SDCCAG8: variants seen among roughly 807,000 people sequenced by gnomAD.
SDCCAG8 encodes SHH signaling and ciliogenesis regulator SDCCAG8, also known as serologically defined colon cancer antigen 8.
A neutral mutation model predicts 101.8 loss-of-function variants in SDCCAG8; 74 were observed. The ratio of observed to expected loss-of-function variants is 0.73; its 90% confidence interval spans 0.60 to 0.88. SDCCAG8 has a LOEUF of 0.88. SDCCAG8 is among the 40% of genes least tolerant of loss of function. SDCCAG8 has a pLI of 0.00. For missense variants in SDCCAG8, 787 were observed against 822.6 expected (o/e 0.96, Z 0.53); for synonymous variants, 281 against 292.9 (o/e 0.96, Z 0.41).
At chr1:243,498,517 A>C (rs1357987570) in intron 17 of SDCCAG8, among the ~76,000 whole-genome samples, 2 of 151,498 alleles carry the variant, frequency 1.3e-5, no homozygotes, top group Admixed American at 6.6e-5. Flanking sequence ...CCCCCCACCT[A>C]CTCTAACTAC....
rs559387607 is a variant in SDCCAG8 at position 243,478,851 on chromosome 1, G to A, written c.1986-10163G>A. 1.4e-4 allele frequency among the ~76,000 whole-genome samples: 21 copies of A among 151,644 alleles called. No homozygotes were observed. In the East Asian group the frequency reaches 2.1e-3, roughly 15 times the overall value. On this transcript the variant is annotated intron_variant, in intron 16 of 17. Coordinates refer to ENST00000366541, the MANE Select transcript of SDCCAG8 (RefSeq NM_006642.5). ...TGTGTGCCTGTAGTCCCAGCTACTC[G>A]GGAGGCTGAGGCAGGAGAATCATTT... is the stretch of plus-strand genomic sequence containing the variant.
chr1:243,403,183 A>G (rs1000460922), intron 13 of SDCCAG8, among the ~76,000 whole-genome samples: 3 of 152,198 alleles, frequency 2.0e-5, no homozygotes, highest in African/African-American at 7.2e-5. Flanking sequence ...ATGAGAAAAC[A>G]GAGGCTTAGA....
intron 12 of SDCCAG8, among the ~76,000 whole-genome samples, chr1:243,354,685 G>A (rs984259603): frequency 3.3e-5 from 5 of 152,148 alleles, no homozygotes; most frequent in South Asian, 4.1e-4. Flanking sequence ...CTAGAGAAAC[G>A]CACCATTAAT....
chr1:243,495,954 C>T (rs1056299340), intron 17 of SDCCAG8, among the ~76,000 whole-genome samples: 3 of 152,076 alleles, frequency 2.0e-5, no homozygotes, highest in Non-Finnish European at 2.9e-5. Context: ...CTCAGCTCTG[C>T]GTTGCTTCAG....
At chr1:243,387,621 T>A (rs1289847213) in intron 13 of SDCCAG8, among the ~76,000 whole-genome samples, 1 of 152,206 alleles carries the variant, frequency 6.6e-6, no homozygotes, top group African/African-American at 2.4e-5. Flanking sequence ...AGTCACTAGG[T>A]TAACCTGTTA....
At chr1:243,348,600 T>C (rs2075885610) in intron 12 of SDCCAG8, among the ~76,000 whole-genome samples, 3 of 151,870 alleles carry the variant, frequency 2.0e-5, no homozygotes, top group South Asian at 4.2e-4. Context: ...GAGAACTGCG[T>C]AGGGCTGCAG....
intron 13 of SDCCAG8, among the ~76,000 whole-genome samples, chr1:243,406,137 C>G (rs1176102684): frequency 2.0e-5 from 3 of 152,094 alleles, no homozygotes; most frequent in African/African-American, 7.2e-5. Context: ...GCATAAAAGT[C>G]ATTAGTTTAT....
At chr1:243,380,199 G>T (rs1242075154) in intron 13 of SDCCAG8, among the ~76,000 whole-genome samples, 1 of 152,138 alleles carries the variant, frequency 6.6e-6, no homozygotes, top group Non-Finnish European at 1.5e-5. Flanking sequence ...GCTTAATATT[G>T]CAGAATAATA....
At chr1:243,438,610 C>T (rs1223013724) in intron 16 of SDCCAG8, among the ~76,000 whole-genome samples, 1 of 152,010 alleles carries the variant, frequency 6.6e-6, no homozygotes, top group South Asian at 2.1e-4. Context: ...AGAAGTTAGA[C>T]CTGGAGGAGT....
At chr1:243,390,078 T>C (rs894812790) in intron 13 of SDCCAG8, among the ~76,000 whole-genome samples, 1 of 152,214 alleles carries the variant, frequency 6.6e-6, no homozygotes, top group Non-Finnish European at 1.5e-5. Context: ...GCCAAACTCA[T>C]TATCTGTTTA....
intron 6 of SDCCAG8, among the ~76,000 whole-genome samples, chr1:243,299,967 C>G (rs1340126918): frequency 6.6e-6 from 1 of 151,818 alleles, no homozygotes; most frequent in African/African-American, 2.4e-5. Context: ...CAGGTTCAAG[C>G]AATTCTCCTA....
chr1:243,499,936 TC>T lies in SDCCAG8; in HGVS notation c.*155del. 1 of 721,584 alleles carries T rather than the reference TC, an allele frequency of 1.4e-6. No homozygotes were observed. Among genetic ancestry groups the T allele is most frequent in the African/African-American group, 1.7e-5 (1 of 57,566 alleles). The allele number at this position is 721,584 out of a possible 1,614,324, so 44.7% of individuals were successfully genotyped here. The stretch of plus-strand genomic sequence containing the variant: ...CTGGTCCTCATCAACGCGGGCGCTG[TC>T]CCCGCACGCAGTCGGGCTGGAGCTG... On this transcript the variant is annotated 3_prime_UTR_variant, in exon 18 of 18. Transcript: ENST00000366541.
At chr1:243,280,873 G>A (rs1274062489) in intron 4 of SDCCAG8, among the ~76,000 whole-genome samples, 4 of 152,180 alleles carry the variant, frequency 2.6e-5, no homozygotes, top group South Asian at 2.1e-4. Flanking sequence ...GAAAACGTGT[G>A]TACTGCTGTT....
chr1:243,416,417 G>A lies in SDCCAG8; in HGVS notation c.1744+588G>A, dbSNP rs2080588499. On this transcript the variant is annotated intron_variant, in intron 14 of 17. Coordinates refer to ENST00000366541, the MANE Select transcript of SDCCAG8 (RefSeq NM_006642.5). This position sits in a 1 kb window ranked among gnomAD's most constrained non-coding sequence, Gnocchi z 4.3. ...TATGTTCCTTTATTTAATCTTTGCA[G>A]CTTCGAACATTTTTAGCATTTGTAT... Among the ~76,000 whole-genome samples, 1 of 152,118 alleles carries A rather than the reference G, an allele frequency of 6.6e-6. No individual in the cohort carries two copies. Among genetic ancestry groups the A allele is most frequent in the South Asian group, 2.1e-4 (1 of 4,828 alleles).
intron 5 of SDCCAG8, among the ~76,000 whole-genome samples, chr1:243,289,293 T>C (rs1353192476): frequency 6.6e-6 from 1 of 152,044 alleles, no homozygotes; most frequent in Admixed American, 6.5e-5. Flanking sequence ...AGTCTAACCT[T>C]TTCATGTTTT....
At chr1:243,488,918 TC>T (rs2148266176) in intron 16 of SDCCAG8, 95 bp from the exon 17 acceptor site, 2 of 1,586,080 alleles carry the variant, frequency 1.3e-6, no homozygotes, top group Non-Finnish European at 1.7e-6. Flanking sequence ...TGCTCATGGT[TC>T]CCTATCAGGG....
chr1:243,270,363 C>T (rs1345762340), intron 2 of SDCCAG8, 106 bp downstream of exon 2: 6 of 1,063,814 alleles, frequency 5.6e-6, no homozygotes, highest in Admixed American at 2.0e-5. Context: ...TGATGTTATT[C>T]CTCAAACACA....
chr1:243,323,325 CACTTT>C (rs1175286722), intron 9 of SDCCAG8, among the ~76,000 whole-genome samples: 2 of 152,108 alleles, frequency 1.3e-5, no homozygotes, highest in African/African-American at 4.8e-5. Flanking sequence ...ACCTACTTCT[CACTTT>C]ACTAAGATTA....
chr1:243,377,775 C>G (rs1190143516), intron 12 of SDCCAG8, among the ~76,000 whole-genome samples: 3 of 149,962 alleles, frequency 2.0e-5, no homozygotes, highest in Non-Finnish European at 4.4e-5. Flanking sequence ...GCAATTTTTT[C>G]TGTATCAAAT....
Sources: allele counts gnomAD v4.1 joint callset (sites outside exome capture counted in the v4.1 genomes callset), GRCh38; gene constraint gnomAD v4.1.1; non-coding constraint Gnocchi (gnomAD v3.1); transcripts MANE v1.5; gene names NCBI Gene and HGNC (gene_info 2026-07-23, HGNC 2026-07-21).